Variants in ROBO2 observed in about 807,000 individuals in gnomAD.
ROBO2 encodes roundabout homolog 2.
ROBO2 carries 53 observed loss-of-function variants against 160.8 expected under a neutral mutation model. The ratio of observed to expected loss-of-function variants is 0.33; its 90% CI spans 0.26 to 0.41. The LOEUF is 0.41. Among genes scored for constraint, ROBO2 ranks in the 10% least tolerant of loss-of-function variants. The probability of loss-of-function intolerance (pLI) is 1.00; values close to 1 mark genes in which losing one functional copy is unlikely to be tolerated. For synonymous variants in ROBO2, 664 were observed against 611.7 expected, an observed-to-expected ratio of 1.09 and a Z score of -1.26; for missense variants, 1,577 against 1,722.4, an observed-to-expected ratio of 0.92 and a Z score of 1.49.
chr3:76,223,230 C>T (rs1000512516), intron 2 of ROBO2, among the ~76,000 whole-genome samples: 2 of 151,868 alleles, frequency 1.3e-5, no homozygotes, highest in South Asian at 2.1e-4. Context: ...GGTCTAGAAG[C>T]AAGGAAATGA....
At chr3:76,592,302 C>G (rs2086465140) in intron 2 of ROBO2, among the ~76,000 whole-genome samples, 1 of 152,060 alleles carries the variant, frequency 6.6e-6, no homozygotes, top group South Asian at 2.1e-4. Flanking sequence ...ACCAATTCCC[C>G]TGGAGGCTCA....
intron 2 of ROBO2, among the ~76,000 whole-genome samples, chr3:76,055,790 C>T (rs528644999): frequency 5.9e-5 from 9 of 152,202 alleles, no homozygotes; most frequent in Non-Finnish European, 8.8e-5. Context: ...GACGGAGTCT[C>T]GCTCTGTCGG....
At chr3:76,422,211 A>T (rs868213126) in intron 2 of ROBO2, among the ~76,000 whole-genome samples, 1 of 152,174 alleles carries the variant, frequency 6.6e-6, no homozygotes, top group African/African-American at 2.4e-5. Context: ...GGACCTTTTT[A>T]TAAGCTTACT....
At chr3:77,098,908 T>C (rs2071494510) in intron 2 of ROBO2, among the ~76,000 whole-genome samples, 1 of 151,514 alleles carries the variant, frequency 6.6e-6, no homozygotes, top group African/African-American at 2.4e-5. Flanking sequence ...ATTTTTGCAC[T>C]CTTCAGCTTC....
intron 2 of ROBO2, among the ~76,000 whole-genome samples, chr3:77,003,780 C>T (rs1390571342): frequency 3.9e-5 from 6 of 152,224 alleles, no homozygotes; most frequent in Non-Finnish European, 7.4e-5. Flanking sequence ...GAACTCCTGA[C>T]GTCAGGTGAT....
chr3:77,321,388 A>T (rs550577425), intron 2 of ROBO2, among the ~76,000 whole-genome samples: 5 of 152,062 alleles, frequency 3.3e-5, no homozygotes, highest in Non-Finnish European at 7.4e-5. Flanking sequence ...ATGATGGCAC[A>T]CACCTGTGGT....
intron 2 of ROBO2, among the ~76,000 whole-genome samples, chr3:75,938,804 C>T (rs919993610): frequency 2.0e-5 from 3 of 152,108 alleles, no homozygotes; most frequent in African/African-American, 7.2e-5. Flanking sequence ...GCAGATAATA[C>T]ATTTTGTTAA....
intron 2 of ROBO2, among the ~76,000 whole-genome samples, chr3:76,641,873 G>A (rs2090693925): frequency 6.6e-6 from 1 of 152,094 alleles, no homozygotes; most frequent in Non-Finnish European, 1.5e-5. Context: ...GAGCAGCCAG[G>A]ACTGTAGGCA....
Position 76,737,706 on chromosome 3 carries a change from T to C in ROBO2, c.110-360308T>C, listed in dbSNP as rs1039298903. Among the ~76,000 whole-genome samples, 6 of 152,198 alleles carry C rather than the reference T, an allele frequency of 3.9e-5. 1 individual carries two copies. Among genetic ancestry groups the C allele is most frequent in the Admixed American group, 2.0e-4 (3 of 15,272 alleles). ...CAGAAGAAGGGGAAACAACAAGAAC[T>C]TCAACTTTACTCTAGAGAAATTGTA... is the stretch of plus-strand genomic sequence containing the variant. On this transcript the variant is annotated intron_variant, in intron 2 of 26. Transcript: ENST00000487694.
In ROBO2 at chr3:76,061,106, C is replaced by CA. The variant is rs1180713513; in HGVS notation, c.109+123510dup. 3.3e-5 allele frequency among the ~76,000 whole-genome samples: 5 copies of CA among 152,160 alleles called. No homozygotes were observed. The East Asian group carries it at 9.7e-4, about 29-fold the overall frequency. On this transcript the variant is annotated intron_variant, in intron 2 of 26. Coordinates refer to the ROBO2 transcript ENST00000487694. ...ATGTTATTCTTCTTTATAAAGATTG[C>CA]AAAAAATCAATGTCAAGGTGACTTC...
At chr3:77,168,533 C>A (rs2079318729) in intron 2 of ROBO2, among the ~76,000 whole-genome samples, 1 of 152,138 alleles carries the variant, frequency 6.6e-6, no homozygotes, top group African/African-American at 2.4e-5. Flanking sequence ...GAGCTAGCTA[C>A]ATTTCTCACA....
intron 21 of ROBO2, among the ~76,000 whole-genome samples, chr3:77,610,068 A>G (rs2094597992): frequency 6.6e-6 from 1 of 151,498 alleles, no homozygotes; most frequent in Non-Finnish European, 1.5e-5. Context: ...ATAAAAATTA[A>G]TAGATTGGGC....
intron 2 of ROBO2, among the ~76,000 whole-genome samples, chr3:75,957,921 TCTTTTTAACTGATGTGTTCACC>T (rs1437006871): frequency 3.3e-5 from 5 of 151,702 alleles, no homozygotes; most frequent in African/African-American, 1.2e-4. Context: ...TTAATCTCTC[TCTTTTTAACTGATGTGTTCACC>T]CTCAGATTTG....
intron 2 of ROBO2, among the ~76,000 whole-genome samples, chr3:77,320,322 C>A (rs1240740970): frequency 6.6e-6 from 1 of 152,086 alleles, no homozygotes; most frequent in Non-Finnish European, 1.5e-5. Flanking sequence ...GAGCTCTGAC[C>A]ATTTTCAAGT....
chr3:76,787,843 A>C (rs1433015956), intron 2 of ROBO2, among the ~76,000 whole-genome samples: 2 of 151,522 alleles, frequency 1.3e-5, no homozygotes, highest in Non-Finnish European at 3.0e-5. Flanking sequence ...TTATGCTGTT[A>C]GCAAAATATT....
chr3:77,164,875 C>T (rs1463712550), intron 2 of ROBO2, among the ~76,000 whole-genome samples: 7 of 65,718 alleles, frequency 1.1e-4, no homozygotes, highest in South Asian at 4.7e-4. Flanking sequence ...CCACCCCGTC[C>T]GGGAGGGAGG....
intron 2 of ROBO2, among the ~76,000 whole-genome samples, chr3:76,581,273 T>C (rs1285589218): frequency 1.3e-5 from 2 of 152,144 alleles, no homozygotes; most frequent in African/African-American, 4.8e-5. Context: ...AAGATTGTCT[T>C]ACCCAGGATA....
chr3:76,441,411 G>C (rs1011698438), intron 2 of ROBO2, among the ~76,000 whole-genome samples: 2 of 152,172 alleles, frequency 1.3e-5, no homozygotes, highest in Non-Finnish European at 2.9e-5. Context: ...TAAAGAAACT[G>C]TTGGTCGAAA....
intron 2 of ROBO2, among the ~76,000 whole-genome samples, chr3:77,221,769 G>T (rs576665927): frequency 3.3e-5 from 5 of 151,624 alleles, no homozygotes; most frequent in African/African-American, 1.2e-4. Context: ...ATACACAATA[G>T]TTGTCCAAAA....
Sources: gnomAD v4.1 joint callset for allele counts (sites outside exome capture counted in the v4.1 genomes callset) on GRCh38, gnomAD v4.1.1 for gene constraint, MANE v1.5 for transcripts, NCBI Gene and HGNC (gene_info 2026-07-23, HGNC 2026-07-21) for gene names.